The following PLBD2 variants were observed in gnomAD, a reference collection of about 807,000 sequenced individuals.
PLBD2 encodes putative aminopeptidase PLBD2.
In PLBD2, 51 loss-of-function variants were observed where a neutral mutation model predicts 68.3. The ratio of observed to expected loss-of-function variants is 0.75; its 90% CI spans 0.60 to 0.94. The LOEUF (loss-of-function observed/expected upper bound fraction) is 0.94. PLBD2 is among the 40% of genes least tolerant of loss of function. The pLI, the probability that PLBD2 is intolerant of heterozygous loss-of-function variation, is 0.00. For missense variants in PLBD2, 729 were observed against 792.2 expected (o/e 0.92, Z 0.96); for synonymous variants, 314 against 339.3 (o/e 0.93, Z 0.82).
chr12:113,380,831 G>A lies in PLBD2; in HGVS notation c.946G>A (p.Gly316Ser), dbSNP rs767622584. 4 of 1,555,224 alleles carry A rather than the reference G, an allele frequency of 2.6e-6. No individual in the cohort carries two copies. Among genetic ancestry groups the A allele is most frequent in the East Asian group, 2.4e-5 (1 of 41,698 alleles). ...IFSCDDFYILGSGLVTLETTI... is the reference protein window; with the variant it reads ...IFSCDDFYILSSGLVTLETTI... ...CTCCTGCGACGACTTCTACATCCTGGGCAGTGGGCTGGTGAGTCCCTTTCT... is the reference window on the plus strand; with the variant it reads ...CTCCTGCGACGACTTCTACATCCTGAGCAGTGGGCTGGTGAGTCCCTTTCT... Residue 316 changes from glycine (G) to serine (S), a missense_variant, in exon 6 of 12, where the codon GGC (glycine) becomes AGC (serine). Transcript: ENST00000280800.
chr12:113,389,707 T>G lies in PLBD2; in HGVS notation c.*1081T>G, dbSNP rs1448934344. 1 of 151,848 alleles carries G rather than the reference T, an allele frequency of 6.6e-6. No homozygotes were observed. The highest frequency in any genetic ancestry group is 1.5e-5 in the Non-Finnish European group (1 of 67,994). 9.4% of individuals were successfully genotyped at this position (151,848 alleles called of 1,614,324 possible). Reference sequence around the variant, plus strand: ...CCATTTTCTTTCTTCTTCTTTTTTTTTTGTTTTTGTTTTTTCTGAGTGGGA... The same window carrying G: ...CCATTTTCTTTCTTCTTCTTTTTTTGTTGTTTTTGTTTTTTCTGAGTGGGA... On this transcript the variant is annotated 3_prime_UTR_variant, in exon 12 of 12. Transcript: ENST00000280800.
rs1022062503 is a variant in PLBD2 at position 113,391,094 on chromosome 12, C to A, written c.*2468C>A. ...CTGTGTTCTGGGTCCTATTTGGGAG[C>A]CTTGTTAACCACCAAGACCTTCCTA... On this transcript the variant is annotated 3_prime_UTR_variant, in exon 12 of 12. Coordinates refer to ENST00000280800, the MANE Select transcript of PLBD2 (RefSeq NM_173542.4). 29 of 152,114 alleles carry A rather than the reference C, an allele frequency of 1.9e-4. No homozygotes were observed. Among genetic ancestry groups the A allele is most frequent in the African/African-American group, 7.0e-4 (29 of 41,430 alleles). 9.4% of individuals were successfully genotyped at this position (152,114 alleles called of 1,614,324 possible).
At chr12:113,388,213 G>T (rs535329993) in intron 11 of PLBD2, among the ~76,000 whole-genome samples, 97 of 152,218 alleles carry the variant, frequency 6.4e-4, no homozygotes, top group African/African-American at 2.0e-3. Context: ...GTGGTGGCGG[G>T]CGTCTGTAAT....
rs199561012 is a variant in PLBD2 at position 113,385,303 on chromosome 12, G to A, written c.1286+20G>A. 1.0e-4 allele frequency: 165 copies of A among 1,610,314 alleles called. No individual in the cohort carries two copies. The highest frequency in any genetic ancestry group is 1.6e-4 in the Middle Eastern group (1 of 6,068). On this transcript the variant is annotated intron_variant, in intron 9 of 11. Coordinates refer to ENST00000280800, the MANE Select transcript of PLBD2 (RefSeq NM_173542.4). Reference sequence around the variant, plus strand: ...CATACCGTGCGTGCCTTCTCACTCCGCTCCCCGTCACCCTCCAGGGCATCC... The same window carrying A: ...CATACCGTGCGTGCCTTCTCACTCCACTCCCCGTCACCCTCCAGGGCATCC...
intron 1 of PLBD2, among the ~76,000 whole-genome samples, chr12:113,368,336 G>A (rs1265258975): frequency 1.3e-5 from 2 of 152,202 alleles, no homozygotes; most frequent in African/African-American, 4.8e-5. Context: ...CAACAACATT[G>A]ATTCTCATGG....
At position 113,358,731 on chromosome 12, in the gene PLBD2, C is replaced by T; in HGVS notation, c.131C>T (p.Ala44Val). ...AGCGGCCTGGCGGGGGCGATCCCAGCGCCGGGGGGCCGCTGGGCGCGCGAT... is the reference window on the plus strand; with the variant it reads ...AGCGGCCTGGCGGGGGCGATCCCAGTGCCGGGGGGCCGCTGGGCGCGCGAT... ...FLSGLAGAIP[A>V]PGGRWARDGQ... Residue 44 changes from alanine to valine, a missense_variant, in exon 1 of 12, where the codon GCG becomes GTG. By Grantham distance (64) the Ala-to-Val change is moderately conservative (BLOSUM62 0). Coordinates refer to ENST00000280800, the MANE Select transcript of PLBD2 (RefSeq NM_173542.4). The T allele has an allele frequency of 7.2e-7, 1 of 1,391,162 alleles. No homozygotes were observed. Among genetic ancestry groups the T allele is most frequent in the Non-Finnish European group, 9.3e-7 (1 of 1,078,658 alleles). 86.2% of individuals were successfully genotyped at this position (1,391,162 alleles called of 1,614,324 possible).
In PLBD2 at chr12:113,385,284, G is replaced by C. The variant is rs779098391; in HGVS notation, c.1286+1G>C. The C allele has an allele frequency of 2.5e-6, 4 of 1,613,674 alleles. No individual in the cohort carries two copies. The highest frequency in any genetic ancestry group is 2.2e-5 in the South Asian group (2 of 91,086). ...CCTACTGGGCCAGCTACAACATACC[G>C]TGCGTGCCTTCTCACTCCGCTCCCC... On this transcript the variant is annotated splice_donor_variant, in intron 9 of 11. Transcript: ENST00000280800. LOFTEE classifies it high-confidence loss of function.
At chr12:113,369,938 C>T (rs1235182381) in intron 2 of PLBD2, among the ~76,000 whole-genome samples, 1 of 151,452 alleles carries the variant, frequency 6.6e-6, no homozygotes, top group African/African-American at 2.4e-5. Flanking sequence ...CTTGCTCTGT[C>T]ACCCAGGCTG....
intron 1 of PLBD2, 100 bp downstream of exon 1, chr12:113,358,990 A>G (rs887815623): frequency 1.3e-5 from 17 of 1,294,526 alleles, no homozygotes; most frequent in Middle Eastern, 2.7e-4. Flanking sequence ...CCGGGTGGGA[A>G]CGCCCGTTTC....
At position 113,387,037 on chromosome 12, in the gene PLBD2, C is replaced by A; in HGVS notation, c.1387C>A (p.Arg463=). The change falls in exon 10 of 12, where the codon CGG becomes AGG. Residue 463 remains arginine (R), a synonymous_variant. Transcript: ENST00000280800. ...YDGSPRAQIF[R]RNQSLVQDMD... Reference sequence around the variant, plus strand: ...CGGGAGCCCCCGGGCCCAGATCTTCCGGCGGAACCAGTCACTGGTACAAGA... The same window carrying A: ...CGGGAGCCCCCGGGCCCAGATCTTCAGGCGGAACCAGTCACTGGTACAAGA... The A allele has an allele frequency of 6.2e-7, 1 of 1,611,426 alleles. No individual in the cohort carries two copies. The highest frequency in any genetic ancestry group is 8.5e-7 in the Non-Finnish European group (1 of 1,178,966).
Position 113,385,238 on chromosome 12 carries a change from C to A in PLBD2, c.1241C>A (p.Thr414Asn). ...GGCATGGTGGTGGTGGCTGACAAGA[C>A]CTCGGAGCTCTACCAGAAGACCTAC... ...IPGMVVVADK[T>N]SELYQKTYWA... The change falls in exon 9 of 12, where the codon ACC becomes AAC. Residue 414 changes from threonine to asparagine, a missense_variant. Coordinates refer to ENST00000280800, the MANE Select transcript of PLBD2 (RefSeq NM_173542.4). The A allele has an allele frequency of 6.2e-7, 1 of 1,614,182 alleles. No individual in the cohort carries two copies. Among genetic ancestry groups the A allele is most frequent in the Non-Finnish European group, 8.5e-7 (1 of 1,180,024 alleles).
rs1565860259 is a variant in PLBD2 at position 113,372,695 on chromosome 12, C to T, written c.431C>T (p.Pro144Leu). ...WMNTVVNYCG[P>L]FEYEVGYCER... ...AACACGGTGGTGAATTACTGCGGCC[C>T]CTTCGAGTATGAAGTCGGCTACTGC... Residue 144 changes from proline (P) to leucine (L), a missense_variant, in exon 3 of 12, where the codon CCC (proline) becomes CTC (leucine). Pro to Leu is a moderately conservative substitution (Grantham distance 98, BLOSUM62 -3). Transcript: ENST00000280800. This position sits in a 1 kb window ranked among gnomAD's most constrained non-coding sequence, Gnocchi z 4.2. 1.9e-6 allele frequency: 3 copies of T among 1,614,100 alleles called. No individual in the cohort carries two copies. The highest frequency in any genetic ancestry group is 1.6e-4 in the Middle Eastern group (1 of 6,062).
At chr12:113,378,460 CT>C (rs2136915662) in intron 5 of PLBD2, among the ~76,000 whole-genome samples, 1 of 152,216 alleles carries the variant, frequency 6.6e-6, no homozygotes, top group South Asian at 2.1e-4. Context: ...CGACTTCCTT[CT>C]TTTGCCCACT....
chr12:113,371,016 A>G (rs1421249498), intron 2 of PLBD2, among the ~76,000 whole-genome samples: 1 of 152,204 alleles, frequency 6.6e-6, no homozygotes, highest in Non-Finnish European at 1.5e-5. Flanking sequence ...GGATTGTACC[A>G]CTGTACTCCA....
chr12:113,377,789 A>G (rs1024852137), intron 5 of PLBD2, among the ~76,000 whole-genome samples: 1 of 152,198 alleles, frequency 6.6e-6, no homozygotes, highest in South Asian at 2.1e-4. Context: ...CATCTGTATT[A>G]CTGTGTGTAG....
rs1419673873 is a variant in PLBD2, at chr12:113,384,855, A to T, written c.1123A>T (p.Asn375Tyr). Residue 375 changes from asparagine (N) to tyrosine (Y), a missense_variant, in exon 8 of 12, where the codon AAC (asparagine) becomes TAC (tyrosine). Transcript: ENST00000280800. This position sits in a 1 kb window ranked among gnomAD's most constrained non-coding sequence, Gnocchi z 4.2. ...IFKRFNSGTY[N>Y]NQWMIVDYKA... ...CTCCCTTCCCCTGCCCGGCAGGTAT[A>T]ACAACCAGTGGATGATCGTGGACTA... The T allele has an allele frequency of 6.2e-7, 1 of 1,613,978 alleles. No individual in the cohort carries two copies.
rs763941445 is a variant in PLBD2 at position 113,384,110 on chromosome 12, A to T, written c.963A>T (p.Thr321=). 1 of 1,607,202 alleles carries T rather than the reference A, an allele frequency of 6.2e-7. No homozygotes were observed. The highest frequency in any genetic ancestry group is 1.7e-5 in the Admixed American group (1 of 59,574). The change falls in exon 7 of 12, where the codon ACA becomes ACT. Residue 321 remains threonine, a synonymous_variant. Transcript: ENST00000280800. This position sits in a 1 kb window ranked among gnomAD's most constrained non-coding sequence, Gnocchi z 4.2. ...DFYILGSGLV[T]LETTIGNKNP... ...CCCCCTTGACCTTCCCACAGGTGAC[A>T]CTGGAGACCACCATTGGCAACAAGA...
At chr12:113,366,364 A>G (rs534602799) in intron 1 of PLBD2, among the ~76,000 whole-genome samples, 2 of 147,078 alleles carry the variant, frequency 1.4e-5, no homozygotes, top group South Asian at 4.3e-4. Flanking sequence ...GTGTCCTTGG[A>G]GCAAAAATGA....
chr12:113,380,740 C>T lies in PLBD2; in HGVS notation c.860-5C>T, dbSNP rs201187162. On this transcript the variant is annotated splice_region_variant and splice_polypyrimidine_tract_variant and intron_variant, in intron 5 of 11. Transcript: ENST00000280800. The stretch of plus-strand genomic sequence containing the variant: ...CAGCATCCCTGGCTCGCTCTGCCTG[C>T]ACAGGGGACTACCCGCTGGTTCCCG... 8.6e-4 allele frequency: 1,338 copies of T among 1,548,616 alleles called. 10 individuals are homozygous for T. The African/African-American group carries it at 0.015, about 17-fold the overall frequency.
Sources: gnomAD v4.1 joint callset for allele counts (sites outside exome capture counted in the v4.1 genomes callset) on GRCh38, gnomAD v4.1.1 for gene constraint, Gnocchi (gnomAD v3.1) non-coding constraint, MANE v1.5 for transcripts, NCBI Gene and HGNC (gene_info 2026-07-23, HGNC 2026-07-21) for gene names.